SRRM3: variants seen among roughly 807,000 people sequenced by gnomAD.
SRRM3 encodes the protein serine/arginine repetitive matrix protein 3.
SRRM3 carries 27 observed loss-of-function variants against 66.2 expected under a neutral mutation model. The observed-to-expected ratio is 0.41, with a 90% confidence interval of 0.30 to 0.56. SRRM3 has a LOEUF of 0.56. SRRM3 is among the 20% of genes least tolerant of loss of function. The pLI is 0.32. For synonymous variants in SRRM3, 391 were observed against 414.9 expected, an observed-to-expected ratio of 0.94 and a Z score of 0.70; for missense variants, 918 against 991.9, an observed-to-expected ratio of 0.93 and a Z score of 1.00.
intron 2 of SRRM3, among the ~76,000 whole-genome samples, chr7:76,242,287 C>A (rs1158180057): frequency 6.6e-6 from 1 of 152,072 alleles, no homozygotes; most frequent in East Asian, 1.9e-4. Context: ...GAGTTCGAGA[C>A]CAGCCTGACC....
chr7:76,266,466 TATAA>T (rs1313399345), intron 10 of SRRM3, among the ~76,000 whole-genome samples: 2 of 111,980 alleles, frequency 1.8e-5, no homozygotes, highest in South Asian at 2.4e-4. Context: ...TTATATATAT[TATAA>T]ATATTTATAT....
In SRRM3 at chr7:76,285,995, A is replaced by G. The variant is rs1434231019; in HGVS notation, c.*152A>G. ...GCACGGGCAGATGGGACCGGGGAAG[A>G]CTTTGAGGGTGGGCATCCAGTGGAC... On this transcript the variant is annotated 3_prime_UTR_variant, in exon 15 of 15. Transcript: ENST00000611745. The surrounding 1 kb of genome is among the most constrained non-coding windows in gnomAD (Gnocchi z 4.1). The G allele has an allele frequency of 7.1e-6, 6 of 843,192 alleles. No individual in the cohort carries two copies. Among genetic ancestry groups the G allele is most frequent in the Middle Eastern group, 4.6e-4 (2 of 4,340 alleles). 52.2% of individuals were successfully genotyped at this position (843,192 alleles called of 1,614,324 possible). A position where few individuals can be genotyped will look rare whatever the true frequency, so the allele number is the denominator to read the frequency against.
chr7:76,237,347 A>G (rs1801177612), intron 2 of SRRM3, among the ~76,000 whole-genome samples: 1 of 152,136 alleles, frequency 6.6e-6, no homozygotes, highest in Admixed American at 6.6e-5. Flanking sequence ...CGGAGGTTGC[A>G]CTGAGCTGAG....
At chr7:76,283,227 G>GCA in intron 14 of SRRM3, 126 bp downstream of exon 14, 2 of 995,406 alleles carry the variant, frequency 2.0e-6, no homozygotes, top group Non-Finnish European at 2.7e-6. Context: ...ATGGGGGGGG[G>GCA]TGCTAAGGGA....
intron 11 of SRRM3, among the ~76,000 whole-genome samples, chr7:76,278,529 C>G (rs1802417697): frequency 6.6e-6 from 1 of 152,026 alleles, no homozygotes; most frequent in African/African-American, 2.4e-5. Flanking sequence ...GCCAATCCAG[C>G]CTCCAACTCT....
At position 76,285,344 on chromosome 7, in the gene SRRM3, G is replaced by A. The variant is rs1464748443; in HGVS notation, c.1734-271G>A. ...CTCCCAAAGTGCTGGGATTACAGGC[G>A]TGAGCCACCGCGCCCAGCCTCAACA... On this transcript the variant is annotated intron_variant, in intron 14 of 14. Coordinates refer to ENST00000611745, the MANE Select transcript of SRRM3 (RefSeq NM_001110199.3). This position sits in a 1 kb window ranked among gnomAD's most constrained non-coding sequence, Gnocchi z 4.1. 3.0e-5 allele frequency: 14 copies of A among 465,130 alleles called. No homozygotes were observed. Among genetic ancestry groups the A allele is most frequent in the Admixed American group, 1.5e-4 (4 of 27,198 alleles). 28.8% of individuals were successfully genotyped at this position (465,130 alleles called of 1,614,324 possible). A position where few individuals can be genotyped will look rare whatever the true frequency, so the allele number is the denominator to read the frequency against.
intron 2 of SRRM3, among the ~76,000 whole-genome samples, chr7:76,238,903 C>T (rs1438682409): frequency 6.6e-6 from 1 of 151,610 alleles, no homozygotes; most frequent in African/African-American, 2.4e-5. Context: ...CTCAAGTAAG[C>T]CACCTGCCTT....
In SRRM3 at chr7:76,260,185, A is replaced by G; in HGVS notation, c.533A>G (p.His178Arg). The change falls in exon 5 of 15, where the codon CAC (histidine) becomes CGC (arginine). Residue 178 changes from histidine (H) to arginine (R), a missense_variant. Transcript: ENST00000611745. ...AAAAAGAAGAAAAAGAAAGGCGGCC[A>G]CCGGAGAAGCCGGTGAGAACCGCGC... ...PKKKKKKKGG[H>R]RRSRKKRRLE... 4 of 1,539,124 alleles carry G rather than the reference A, an allele frequency of 2.6e-6. No individual in the cohort carries two copies. The highest frequency in any genetic ancestry group is 3.5e-6 in the Non-Finnish European group (4 of 1,143,522).
chr7:76,267,777 C>T (rs1053690951), intron 11 of SRRM3: 4 of 251,262 alleles, frequency 1.6e-5, no homozygotes. Context: ...CCTCCCCAGG[C>T]ATATTAGGGT....
rs1554611916 is a variant in SRRM3, at chr7:76,281,653, T to C, written c.1221T>C (p.Gly407=). The C allele has an allele frequency of 1.6e-5, 16 of 972,378 alleles. No individual in the cohort carries two copies. The highest frequency in any genetic ancestry group is 1.8e-5 in the Non-Finnish European group (15 of 821,062). 60.2% of individuals were successfully genotyped at this position (972,378 alleles called of 1,614,324 possible). ...RSSASAPRRR[G]RRRPRPAPPR... ...CGGCGTCCGCGCCCCGCCGCAGGGG[T>C]CGCCGGCGCCCCCGGCCCGCGCCCC... is the stretch of plus-strand genomic sequence containing the variant. The change falls in exon 12 of 15, where the codon GGT becomes GGC. Residue 407 remains glycine (G), a synonymous_variant. Transcript: ENST00000611745.
intron 11 of SRRM3, among the ~76,000 whole-genome samples, chr7:76,280,948 G>T (rs1401557858): frequency 1.5e-5 from 1 of 67,722 alleles, no homozygotes; most frequent in Non-Finnish European, 2.9e-5. Flanking sequence ...CCCCACCCCC[G>T]TCTCTCCTCT....
chr7:76,284,492 C>G (rs1802609205), intron 14 of SRRM3, among the ~76,000 whole-genome samples: 1 of 152,106 alleles, frequency 6.6e-6, no homozygotes, highest in Non-Finnish European at 1.5e-5. Flanking sequence ...TGTCCTACTT[C>G]TAACGGATGT....
intron 2 of SRRM3, among the ~76,000 whole-genome samples, chr7:76,247,082 G>A (rs1801461126): frequency 1.3e-5 from 2 of 152,156 alleles, no homozygotes; most frequent in African/African-American, 4.8e-5. Flanking sequence ...CAGGCTGGAG[G>A]GAGAGACTCC....
intron 1 of SRRM3, among the ~76,000 whole-genome samples, chr7:76,225,472 G>GCC (rs1183777591): frequency 3.7e-4 from 34 of 92,492 alleles, no homozygotes; most frequent in African/African-American, 9.7e-4. Flanking sequence ...CCCCCTCCCC[G>GCC]CCCCCCCCGC....
At chr7:76,240,544 C>T (rs553120837) in intron 2 of SRRM3, among the ~76,000 whole-genome samples, 11 of 149,262 alleles carry the variant, frequency 7.4e-5, no homozygotes, top group Admixed American at 2.7e-4. Flanking sequence ...GGCGTGAACC[C>T]GGGAGGCGGA....
At chr7:76,203,732 G>A (rs1800219610) in intron 1 of SRRM3, among the ~76,000 whole-genome samples, 1 of 151,856 alleles carries the variant, frequency 6.6e-6, no homozygotes, top group Non-Finnish European at 1.5e-5. Context: ...GAGAAATGAA[G>A]CTTGAGTGAC....
chr7:76,207,089 C>T (rs547496916), intron 1 of SRRM3, among the ~76,000 whole-genome samples: 17 of 152,108 alleles, frequency 1.1e-4, no homozygotes, highest in Admixed American at 3.9e-4. Flanking sequence ...GTAAGAATGG[C>T]GTATCTTCAG....
chr7:76,263,064 A>G lies in SRRM3; in HGVS notation c.674+1483A>G, dbSNP rs145914967. On this transcript the variant is annotated intron_variant, in intron 8 of 14. Transcript: ENST00000611745. ...TAATCCTGCCCCTCCAATGTCCCCA[A>G]TTTTTCATCTTCCCCTGGCCTCCCA... 2.7e-4 allele frequency among the ~76,000 whole-genome samples: 41 copies of G among 152,130 alleles called. No individual in the cohort carries two copies. The East Asian group carries it at 4.1e-3, about 15-fold the overall frequency.
intron 1 of SRRM3, among the ~76,000 whole-genome samples, chr7:76,210,851 G>A (rs990131769): frequency 6.6e-6 from 1 of 151,968 alleles, no homozygotes; most frequent in African/African-American, 2.4e-5. Flanking sequence ...TGCCCAGGCT[G>A]GAGTGCAGTG....
Sources: gnomAD v4.1 joint callset for allele counts (sites outside exome capture counted in the v4.1 genomes callset) on GRCh38, gnomAD v4.1.1 for gene constraint, Gnocchi (gnomAD v3.1) non-coding constraint, MANE v1.5 for transcripts, NCBI Gene and HGNC (gene_info 2026-07-23, HGNC 2026-07-21) for gene names.